The following ABCA4 variants were observed in gnomAD, a reference collection of about 807,000 sequenced individuals.
ABCA4 encodes retinal-specific phospholipid-transporting ATPase ABCA4.
ABCA4 carries 196 observed loss-of-function variants against 263.7 expected under a neutral mutation model. That is an observed-to-expected ratio of 0.74 (90% CI 0.66 to 0.84). The LOEUF (loss-of-function observed/expected upper bound fraction) is 0.84. ABCA4 is among the 40% of genes least tolerant of loss of function. The probability of loss-of-function intolerance (pLI) is 0.00; values close to 1 mark genes in which losing one functional copy is unlikely to be tolerated. For synonymous variants in ABCA4, 1,133 were observed against 1,094.2 expected, an observed-to-expected ratio of 1.04 and a Z score of -0.70; for missense variants, 2,792 against 2,855.1, an observed-to-expected ratio of 0.98 and a Z score of 0.50.
chr1:94,014,725 T>G, intron 37 of ABCA4, 35 bp from the exon 38 acceptor site: 2 of 1,613,490 alleles, frequency 1.2e-6, no homozygotes, highest in South Asian at 2.2e-5. Flanking sequence ...GTGATGGAGT[T>G]CCACATTCCA....
intron 15 of ABCA4, 89 bp from the exon 16 acceptor site, chr1:94,055,404 G>T: frequency 7.7e-7 from 1 of 1,294,840 alleles, no homozygotes; most frequent in Non-Finnish European, 1.1e-6. Context: ...AGAGGGGAGG[G>T]CCAAAAGAGG....
intron 30 of ABCA4, 70 bp downstream of exon 30, chr1:94,029,375 G>A: frequency 1.5e-6 from 2 of 1,342,008 alleles, no homozygotes; most frequent in Non-Finnish European, 2.0e-6. Context: ...AGACTCAGGA[G>A]ATACCAGGGA....
rs367961489 is a variant in ABCA4 at position 94,033,112 on chromosome 1, G to A, written c.3863-1069C>T. 1.3e-4 allele frequency among the ~76,000 whole-genome samples: 20 copies of A among 152,244 alleles called. 1 individual carries two copies. Among genetic ancestry groups the A allele is most frequent in the Admixed American group, 7.2e-4 (11 of 15,290 alleles). On this transcript the variant is annotated intron_variant, in intron 26 of 49. Transcript: ENST00000370225. Reference sequence around the variant, plus strand: ...AGTGACTCAATCTGCCTAAATCTGAGTTTTCTCAGACTTCTTATCTGTAAA... The same window carrying A: ...AGTGACTCAATCTGCCTAAATCTGAATTTTCTCAGACTTCTTATCTGTAAA...
intron 49 of ABCA4, among the ~76,000 whole-genome samples, chr1:93,993,477 A>G (rs895403241): frequency 6.6e-6 from 1 of 151,972 alleles, no homozygotes; most frequent in African/African-American, 2.4e-5. Context: ...AAAGACACAC[A>G]TACGAGATGT....
chr1:94,108,798 T>TTA, intron 3 of ABCA4, 82 bp from the exon 4 acceptor site: 6 of 1,441,914 alleles, frequency 4.2e-6, no homozygotes, highest in South Asian at 1.2e-5. Flanking sequence ...TTTTTTTTTT[T>TTA]ATCTCGCTCT....
chr1:94,050,620 GC>G (rs1660810171), intron 17 of ABCA4, among the ~76,000 whole-genome samples: 1 of 152,068 alleles, frequency 6.6e-6, no homozygotes, highest in South Asian at 2.1e-4. Context: ...AAAATAAAAT[GC>G]CCACAAGCCC....
intron 2 of ABCA4, among the ~76,000 whole-genome samples, chr1:94,112,731 G>A (rs998460295): frequency 6.6e-6 from 1 of 152,222 alleles, no homozygotes; most frequent in African/African-American, 2.4e-5. Context: ...AGAGATAGAA[G>A]CTGCAGTGTG....
chr1:94,019,334 C>A (rs1371560403), intron 36 of ABCA4: 5 of 501,084 alleles, frequency 1.0e-5, no homozygotes, highest in South Asian at 4.3e-5. Flanking sequence ...CAGTGCAGGA[C>A]ATAGAGAGCC....
chr1:94,114,072 C>G (rs572372199), intron 1 of ABCA4, among the ~76,000 whole-genome samples: 1 of 152,244 alleles, frequency 6.6e-6, no homozygotes, highest in African/African-American at 2.4e-5. Flanking sequence ...AGCAGCTGGC[C>G]GGGGAATAGC....
intron 18 of ABCA4, among the ~76,000 whole-genome samples, chr1:94,048,425 T>C (rs1434801745): frequency 1.3e-5 from 2 of 152,238 alleles, no homozygotes; most frequent in African/African-American, 4.8e-5. Context: ...AATGGCCTTC[T>C]AGATTTGTAA....
At chr1:94,043,278 G>A (rs756021202) in intron 21 of ABCA4, 58 bp downstream of exon 21, 3 of 1,611,082 alleles carry the variant, frequency 1.9e-6, no homozygotes, top group Non-Finnish European at 2.5e-6. Context: ...CCTCCTGGGT[G>A]CACTGGGGAG....
chr1:94,001,060 A>G lies in ABCA4; in HGVS notation c.6328T>C (p.Trp2110Arg). Reference protein sequence around the residue: ...GMDPQARRMLWNVIVSIIREG... With the variant: ...GMDPQARRMLRNVIVSIIREG... ...CTGATGATGCTCACGATGACGTTCC[A>G]CAGCATGCGGCGTGCCTGGGGGTCC... Residue 2110 changes from tryptophan to arginine, a missense_variant, in exon 46 of 50, where the codon TGG (tryptophan) becomes CGG (arginine). Transcript: ENST00000370225. The G allele has an allele frequency of 3.7e-6, 6 of 1,614,088 alleles. No homozygotes were observed. The highest frequency in any genetic ancestry group is 5.1e-6 in the Non-Finnish European group (6 of 1,180,016).
chr1:94,056,858 C>T (rs375911845), intron 14 of ABCA4, 36 bp from the exon 15 acceptor site: 6 of 1,534,564 alleles, frequency 3.9e-6, no homozygotes, highest in Non-Finnish European at 4.4e-6. Context: ...TAACTCCTGC[C>T]CTTGGCCGGA....
chr1:94,043,001 G>T (rs1275539940), intron 21 of ABCA4, 103 bp from the exon 22 acceptor site: 10 of 1,492,328 alleles, frequency 6.7e-6, no homozygotes, highest in South Asian at 4.5e-5. Context: ...CCCAGCAGTG[G>T]TTTGGTGCTG....
chr1:94,104,713 T>G (rs1218134249), intron 4 of ABCA4, among the ~76,000 whole-genome samples: 1 of 152,116 alleles, frequency 6.6e-6, no homozygotes, highest in Admixed American at 6.5e-5. Context: ...ATAGGAAAGA[T>G]CCAAGGACTT....
chr1:94,086,301 T>A (rs959553536), intron 6 of ABCA4, among the ~76,000 whole-genome samples: 1 of 152,252 alleles, frequency 6.6e-6, no homozygotes, highest in African/African-American at 2.4e-5. Context: ...CACTCATCGA[T>A]GTCCAACTAA....
At chr1:93,998,142 C>T (rs1287243901) in intron 47 of ABCA4, 32 bp from the exon 48 acceptor site, 1 of 1,613,912 alleles carries the variant, frequency 6.2e-7, no homozygotes, top group Admixed American at 1.7e-5. Context: ...GGACAGGCCT[C>T]TGTTAGTGGT....
At chr1:94,048,799 G>C in intron 18 of ABCA4, 69 bp downstream of exon 18, 1 of 1,454,912 alleles carries the variant, frequency 6.9e-7, no homozygotes, top group Non-Finnish European at 9.6e-7. Flanking sequence ...GAGATGTTTT[G>C]CTCTGGCCCT....
intron 26 of ABCA4, among the ~76,000 whole-genome samples, chr1:94,034,846 G>A (rs1660299392): frequency 6.6e-6 from 1 of 152,162 alleles, no homozygotes; most frequent in Non-Finnish European, 1.5e-5. Context: ...TAAACATTTA[G>A]TTTAGAGTTG....
Sources: allele counts gnomAD v4.1 joint callset (sites outside exome capture counted in the v4.1 genomes callset), GRCh38; gene constraint gnomAD v4.1.1; transcripts MANE v1.5; gene names NCBI Gene and HGNC (gene_info 2026-07-23, HGNC 2026-07-21).